ANO3: variants seen among roughly 807,000 people sequenced by gnomAD.
ANO3 encodes the protein anoctamin-3.
ANO3 carries 99 observed loss-of-function variants against 144.8 expected under a neutral mutation model. The ratio of observed to expected loss-of-function variants is 0.68; its 90% CI spans 0.58 to 0.81. The LOEUF (loss-of-function observed/expected upper bound fraction) is 0.81, where lower values mean the gene tolerates loss of function less well. Among genes scored for constraint, ANO3 ranks in the 30% least tolerant of loss-of-function variants. ANO3 has a pLI of 0.00. For missense variants in ANO3, 905 were observed against 1,202.2 expected, an observed-to-expected ratio of 0.75 and a Z score of 3.66; for synonymous variants, 414 against 392.6, an observed-to-expected ratio of 1.05 and a Z score of -0.64.
chr11:26,547,335 T>C, intron 11 of ANO3, 81 bp from the exon 12 acceptor site: 1 of 1,421,658 alleles, frequency 7.0e-7, no homozygotes, highest in Non-Finnish European at 9.8e-7. Context: ...CCATCTGAAA[T>C]TCTGACTAGG....
chr11:26,600,296 T>C (rs12797346), intron 17 of ANO3, among the ~76,000 whole-genome samples: 4 of 41,764 alleles, frequency 9.6e-5, no homozygotes, highest in African/African-American at 1.9e-4. Context: ...CCTCTCCCCT[T>C]TCCTCCCCTC....
intron 1 of ANO3, among the ~76,000 whole-genome samples, chr11:26,422,118 T>G (rs1857769687): frequency 6.6e-6 from 1 of 152,034 alleles, no homozygotes; most frequent in South Asian, 2.1e-4. Context: ...AAAGGAAAAC[T>G]ATTATGTAAA....
chr11:26,279,067 G>A (rs893085679), intron 1 of ANO3, among the ~76,000 whole-genome samples: 1 of 152,132 alleles, frequency 6.6e-6, no homozygotes, highest in Non-Finnish European at 1.5e-5. Context: ...AAGATAGATT[G>A]AATGTGAGGA....
Position 26,287,256 on chromosome 11 carries a change from G to A in ANO3, c.155-22389G>A, listed in dbSNP as rs183574776. On this transcript the variant is annotated intron_variant, in intron 1 of 27. Coordinates refer to the ANO3 transcript ENST00000672621. ...TATTTAATACACAATTAATAAATAT[G>A]CTATGAGCTTTGAATCCTGTATTTA... The A allele has an allele frequency of 1.2e-3, 177 of 152,290 alleles. 1 individual carries two copies. Among genetic ancestry groups the A allele is most frequent in the African/African-American group, 4.0e-3 (166 of 41,572 alleles). 9.4% of individuals were successfully genotyped at this position (152,290 alleles called of 1,614,324 possible). A position where few individuals can be genotyped will look rare whatever the true frequency, so the allele number is the denominator to read the frequency against.
At chr11:26,405,105 C>CT (rs1330409888) in intron 1 of ANO3, among the ~76,000 whole-genome samples, 1 of 151,506 alleles carries the variant, frequency 6.6e-6, no homozygotes, top group Non-Finnish European at 1.5e-5. Flanking sequence ...AAAAATGTTA[C>CT]TTTTTTCTCC....
intron 1 of ANO3, among the ~76,000 whole-genome samples, chr11:26,317,201 G>A (rs1854645985): frequency 6.6e-6 from 1 of 151,952 alleles, no homozygotes; most frequent in Non-Finnish European, 1.5e-5. Context: ...TGCTATACGA[G>A]ATAAGTTGTT....
chr11:26,441,376 C>T (rs1250137744), intron 1 of ANO3, among the ~76,000 whole-genome samples: 1 of 151,386 alleles, frequency 6.6e-6, no homozygotes, highest in Non-Finnish European at 1.5e-5. Flanking sequence ...CTCGGCCTCC[C>T]AAAGTGCTGG....
chr11:26,631,712 G>C (rs1289729316), intron 18 of ANO3, among the ~76,000 whole-genome samples: 2 of 152,086 alleles, frequency 1.3e-5, no homozygotes, highest in East Asian at 3.9e-4. Context: ...AATGTCATCA[G>C]GTTAATATTA....
chr11:26,438,595 AAAAAAAAAAAAAAG>A (rs1393010170), intron 1 of ANO3, among the ~76,000 whole-genome samples: 1,765 of 135,010 alleles, frequency 0.013, 6 homozygotes, highest in Non-Finnish European at 0.021. Context: ...AAAAATACAA[AAAAAAAAAAAAAAG>A]AAAAAAAAAA....
intron 1 of ANO3, among the ~76,000 whole-genome samples, chr11:26,390,715 T>C (rs1856852861): frequency 1.3e-5 from 2 of 152,168 alleles, no homozygotes; most frequent in Admixed American, 1.3e-4. Context: ...GAATAAATTA[T>C]ATTACATAAA....
Position 26,636,881 on chromosome 11 carries a change from A to T in ANO3, c.2043+1811A>T, listed in dbSNP as rs1253071323. Among the ~76,000 whole-genome samples the T allele has an allele frequency of 3.9e-5, 6 of 152,226 alleles. No individual in the cohort carries two copies. In the East Asian group the frequency reaches 1.2e-3, roughly 29 times the overall value. ...TTGGAGTCTGACAGTTCTTTCTGTC[A>T]CTTAGCTTTATCATCTGCAGAGTGA... is the stretch of plus-strand genomic sequence containing the variant. On this transcript the variant is annotated intron_variant, in intron 20 of 26. Coordinates refer to ENST00000256737, the MANE Select transcript of ANO3 (RefSeq NM_031418.4).
At chr11:26,354,151 G>A (rs1590285788) in intron 1 of ANO3, among the ~76,000 whole-genome samples, 1 of 152,106 alleles carries the variant, frequency 6.6e-6, no homozygotes. Flanking sequence ...TAATTAGGAG[G>A]TATTGCTAAG....
chr11:26,511,481 C>A (rs1861663419), intron 5 of ANO3, among the ~76,000 whole-genome samples: 1 of 152,134 alleles, frequency 6.6e-6, no homozygotes, highest in Non-Finnish European at 1.5e-5. Context: ...GAGAGTACTT[C>A]AGAGACTGCA....
chr11:26,269,802 A>G (rs191613934), intron 1 of ANO3, among the ~76,000 whole-genome samples: 1 of 152,306 alleles, frequency 6.6e-6, no homozygotes, highest in Non-Finnish European at 1.5e-5. Context: ...TGTGCCCCAC[A>G]TCCACCCTGC....
intron 1 of ANO3, among the ~76,000 whole-genome samples, chr11:26,334,346 T>G (rs936666726): frequency 6.6e-6 from 1 of 152,244 alleles, no homozygotes; most frequent in Non-Finnish European, 1.5e-5. Context: ...AAATTGAGGA[T>G]TAGCTATTTT....
In ANO3 at chr11:26,641,982, T is replaced by C. The variant is rs771845646; in HGVS notation, c.2228T>C (p.Leu743Pro). Residue 743 changes from leucine (L) to proline (P), a missense_variant, in exon 22 of 27, where the codon CTG becomes CCG. Transcript: ENST00000256737. Reference protein sequence around the residue: ...SIPQWENDWNLQPMNLHGLMD... With the variant: ...SIPQWENDWNPQPMNLHGLMD... ...CCTCAGTGGGAAAATGATTGGAATCTGCAGCCCATGAACCTTCATGGACTG... is the reference window on the plus strand; with the variant it reads ...CCTCAGTGGGAAAATGATTGGAATCCGCAGCCCATGAACCTTCATGGACTG... 5 of 1,613,916 alleles carry C rather than the reference T, an allele frequency of 3.1e-6. No individual in the cohort carries two copies. The African/African-American group carries it at 5.3e-5, about 17-fold the overall frequency.
intron 1 of ANO3, among the ~76,000 whole-genome samples, chr11:26,373,293 C>T (rs937812872): frequency 3.3e-5 from 5 of 152,088 alleles, no homozygotes; most frequent in Admixed American, 1.3e-4. Context: ...ATCATGGGGA[C>T]GGTTCCCCCA....
At chr11:26,535,529 GAGTGCTATATAGGTAAAATACACT>G (rs1370976841) in intron 9 of ANO3, among the ~76,000 whole-genome samples, 10 of 142,858 alleles carry the variant, frequency 7.0e-5, no homozygotes, top group African/African-American at 1.0e-4. Flanking sequence ...TATTAAAATT[GAGTGCTATATAGGTAAAATACACT>G]ATGTTTCAAG....
chr11:26,467,281 C>A (rs1859632548), intron 4 of ANO3, among the ~76,000 whole-genome samples: 1 of 151,784 alleles, frequency 6.6e-6, no homozygotes, highest in Non-Finnish European at 1.5e-5. Context: ...ACGCATTTAT[C>A]CTTTGTGTTA....
Sources: gnomAD v4.1 joint callset for allele counts (sites outside exome capture counted in the v4.1 genomes callset) on GRCh38, gnomAD v4.1.1 for gene constraint, MANE v1.5 for transcripts, NCBI Gene and HGNC (gene_info 2026-07-23, HGNC 2026-07-21) for gene names.